Variants in DYNC2LI1 observed in about 807,000 individuals in gnomAD.
DYNC2LI1 encodes cytoplasmic dynein 2 light intermediate chain 1.
Under a neutral mutation model 51.9 loss-of-function variants are expected in DYNC2LI1, and 45 were observed. The observed-to-expected ratio is 0.87, with a 90% CI of 0.68 to 1.11. The LOEUF (loss-of-function observed/expected upper bound fraction) is 1.11. Ranked by LOEUF, DYNC2LI1 falls within the 50% of genes most tolerant of loss-of-function variation. The pLI is 0.00. For missense variants in DYNC2LI1, 490 were observed against 417.4 expected (o/e 1.17, Z -1.51); for synonymous variants, 130 against 137.8 (o/e 0.94, Z 0.40).
the DYNC2LI1 span, chr2:43,824,823 G>A: frequency 6.3e-7 from 1 of 1,593,978 alleles, no homozygotes. Context: ...GTGTCATCCA[G>A]GCAGAAGTCT....
chr2:43,795,201 A>T (rs1346852001), intron 6 of DYNC2LI1: 1 of 989,402 alleles, frequency 1.0e-6, no homozygotes, highest in South Asian at 4.6e-5. Flanking sequence ...ATTTTATATT[A>T]TCCAGAGTTT....
In DYNC2LI1 at chr2:43,805,243, T is replaced by A; in HGVS notation, c.990T>A (p.Asp330Glu). The change falls in exon 12 of 13, where the codon GAT becomes GAA. Residue 330 changes from aspartate to glutamate, a missense_variant. Coordinates refer to ENST00000260605, the MANE Select transcript of DYNC2LI1 (RefSeq NM_016008.4). ...TCGATGAGATGAGAATTCAGAAGGA[T>A]CTGGTATTATCCTAAACATTTACTT... ...NEVDEMRIQKDLELEQYKRSS... is the reference protein window; with the variant it reads ...NEVDEMRIQKELELEQYKRSS... 2 of 1,592,852 alleles carry A rather than the reference T, an allele frequency of 1.3e-6. No homozygotes were observed. Among genetic ancestry groups the A allele is most frequent in the African/African-American group, 2.7e-5 (2 of 74,536 alleles).
At chr2:43,805,941 G>T (rs112549071) in intron 12 of DYNC2LI1, among the ~76,000 whole-genome samples, 12,886 of 151,536 alleles carry the variant, frequency 0.085, 641 homozygotes, top group Middle Eastern at 0.14. Context: ...GAGTGCAGTG[G>T]CATGACCTCG....
Position 43,794,567 on chromosome 2 carries a change from A to T in DYNC2LI1, c.431A>T (p.Lys144Ile), listed in dbSNP as rs749444608. ...AGCCATGTAGACAAAGTGATAATGAAACTGGGAAAGACAAATGCTAAAGCA... is the reference window on the plus strand; with the variant it reads ...AGCCATGTAGACAAAGTGATAATGATACTGGGAAAGACAAATGCTAAAGCA... The part of the protein sequence containing the change: ...TKSHVDKVIM[K>I]LGKTNAKAVS... The change falls in exon 6 of 13, where the codon AAA (lysine) becomes ATA (isoleucine). Residue 144 changes from lysine (K) to isoleucine (I), a missense_variant. Lys to Ile is a moderately radical substitution (Grantham distance 102, BLOSUM62 -3). Transcript: ENST00000260605. 4 of 1,614,140 alleles carry T rather than the reference A, an allele frequency of 2.5e-6. No individual in the cohort carries two copies. The highest frequency in any genetic ancestry group is 1.3e-5 in the African/African-American group (1 of 75,062).
Position 43,774,044 on chromosome 2 carries a change from G to A in DYNC2LI1, c.-95G>A. ...CGTCGCTCCCATGGCAACCCAGAAG[G>A]CCTCACTCCCAGACTCCTTGCGGAG... On this transcript the variant is annotated 5_prime_UTR_variant, in exon 1 of 13. Transcript: ENST00000260605. 6.5e-7 allele frequency: 1 copy of A among 1,543,862 alleles called. No individual in the cohort carries two copies. Among genetic ancestry groups the A allele is most frequent in the South Asian group, 1.2e-5 (1 of 84,660 alleles).
rs570554012 is a variant in DYNC2LI1 at position 43,797,882 on chromosome 2, T to C, written c.654+1087T>C. Among the ~76,000 whole-genome samples the C allele has an allele frequency of 2.0e-5, 3 of 152,216 alleles. No homozygotes were observed. In the South Asian group the frequency reaches 6.2e-4, roughly 32 times the overall value. ...GGCTCACACCTGTAGTCCTAACACT[T>C]TGGGAGGCTAAGGCGAGAGGATCAT... is the stretch of plus-strand genomic sequence containing the variant. On this transcript the variant is annotated intron_variant, in intron 8 of 12. Transcript: ENST00000260605.
At position 43,803,115 on chromosome 2, in the gene DYNC2LI1, T is replaced by C. The variant is rs548191850; in HGVS notation, c.802+1406T>C. On this transcript the variant is annotated intron_variant, in intron 10 of 12. Transcript: ENST00000260605. The stretch of plus-strand genomic sequence containing the variant: ...CACTCTAGAAAACAGTTTAACAGTT[T>C]CTTACGAAACTAAACATGCAACTAC... 1.1e-4 allele frequency among the ~76,000 whole-genome samples: 16 copies of C among 152,324 alleles called. No homozygotes were observed. The South Asian group carries it at 3.3e-3, about 32-fold the overall frequency.
chr2:43,809,792 A>C lies in DYNC2LI1; in HGVS notation c.*25A>C. ...AACCTATTTCAATTATTGTATATTTATTTCTTCTTTTCCAAATACAAATAA... is the reference window on the plus strand; with the variant it reads ...AACCTATTTCAATTATTGTATATTTCTTTCTTCTTTTCCAAATACAAATAA... On this transcript the variant is annotated 3_prime_UTR_variant, in exon 13 of 13. Transcript: ENST00000260605. 1 of 1,588,022 alleles carries C rather than the reference A, an allele frequency of 6.3e-7. No individual in the cohort carries two copies.
At chr2:43,810,012 A>G (rs945485137), downstream of DYNC2LI1, 1 of 1,088,230 alleles carries the variant, frequency 9.2e-7, no homozygotes, top group African/African-American at 1.6e-5. Flanking sequence ...TACCTCTAAC[A>G]TGTTTAAGTG....
At chr2:43,810,635 G>A (rs892854225), downstream of DYNC2LI1, 3 of 525,358 alleles carry the variant, frequency 5.7e-6, no homozygotes, top group African/African-American at 4.2e-5. Context: ...CCCCAAGGGA[G>A]TACTGTCTGA....
chr2:43,821,712 G>A, the DYNC2LI1 span, among the ~76,000 whole-genome samples: 5 of 152,042 alleles, frequency 3.3e-5, no homozygotes, highest in East Asian at 1.9e-4. Flanking sequence ...GTTGTGTCTT[G>A]AATTCTAATA....
At chr2:43,818,363 G>A in the DYNC2LI1 span, among the ~76,000 whole-genome samples, 1 of 152,166 alleles carries the variant, frequency 6.6e-6, no homozygotes, top group African/African-American at 2.4e-5. Flanking sequence ...AGAATCACTT[G>A]AACCCAGGAG....
chr2:43,789,975 A>T (rs952634581), intron 5 of DYNC2LI1, among the ~76,000 whole-genome samples: 2 of 152,240 alleles, frequency 1.3e-5, no homozygotes, highest in Non-Finnish European at 2.9e-5. Flanking sequence ...AAACAAACAA[A>T]CAAAAATACA....
chr2:43,779,235 T>A (rs1439954045), intron 2 of DYNC2LI1, among the ~76,000 whole-genome samples: 1 of 152,178 alleles, frequency 6.6e-6, no homozygotes, highest in African/African-American at 2.4e-5. Context: ...CACTACACTC[T>A]AGCCTGGGCA....
rs777921704 is a variant in DYNC2LI1 at position 43,800,918 on chromosome 2, G to T, written c.731+1G>T. 19 of 1,578,892 alleles carry T rather than the reference G, an allele frequency of 1.2e-5. No individual in the cohort carries two copies. The highest frequency in any genetic ancestry group is 1.6e-5 in the Non-Finnish European group (19 of 1,154,210). ...AGTTGGCATTTGGCATTGACAAAAGGTACTGCTAAGATATTTTTTATATCA... is the reference window on the plus strand; with the variant it reads ...AGTTGGCATTTGGCATTGACAAAAGTTACTGCTAAGATATTTTTTATATCA... On this transcript the variant is annotated splice_donor_variant, in intron 9 of 12. Coordinates refer to ENST00000260605, the MANE Select transcript of DYNC2LI1 (RefSeq NM_016008.4). LOFTEE classifies it high-confidence loss of function.
chr2:43,785,338 A>G (rs1177807642), intron 3 of DYNC2LI1, among the ~76,000 whole-genome samples: 2 of 152,162 alleles, frequency 1.3e-5, no homozygotes, highest in Non-Finnish European at 2.9e-5. Context: ...GATATGTAGC[A>G]ACATAATTTG....
rs544203859 is a variant in DYNC2LI1 at position 43,801,755 on chromosome 2, T to C, written c.802+46T>C. Reference sequence around the variant, plus strand: ...TGTTCAATCTTTTTTTAATTGCTTATTGATTTTGTCCTACTCCATGTTCAC... The same window carrying C: ...TGTTCAATCTTTTTTTAATTGCTTACTGATTTTGTCCTACTCCATGTTCAC... On this transcript the variant is annotated intron_variant, in intron 10 of 12. Transcript: ENST00000260605. 5 of 1,448,884 alleles carry C rather than the reference T, an allele frequency of 3.5e-6. No homozygotes were observed. In the African/African-American group the frequency reaches 7.0e-5, roughly 20 times the overall value. 89.8% of individuals were successfully genotyped at this position (1,448,884 alleles called of 1,614,324 possible).
intron 8 of DYNC2LI1, among the ~76,000 whole-genome samples, chr2:43,799,925 T>C (rs769685545): frequency 5.3e-5 from 8 of 152,222 alleles, no homozygotes; most frequent in Non-Finnish European, 1.0e-4. Context: ...TATACATGAG[T>C]ATTCTCATTT....
intron 5 of DYNC2LI1, among the ~76,000 whole-genome samples, chr2:43,790,756 A>G (rs1205859367): frequency 6.6e-6 from 1 of 152,194 alleles, no homozygotes. Context: ...GATATTTTAT[A>G]TACATATTTA....
Sources: allele counts gnomAD v4.1 joint callset (sites outside exome capture counted in the v4.1 genomes callset), GRCh38; gene constraint gnomAD v4.1.1; transcripts MANE v1.5; gene names NCBI Gene and HGNC (gene_info 2026-07-23, HGNC 2026-07-21).